Variants in SSUH2 observed in about 807,000 individuals in gnomAD.
SSUH2 encodes ssu-2 homolog.
Under a neutral mutation model 55.3 loss-of-function variants are expected in SSUH2, and 47 were observed. The ratio of observed to expected loss-of-function variants is 0.85; its 90% CI spans 0.67 to 1.08. The LOEUF (loss-of-function observed/expected upper bound fraction) is 1.08. Ranked by LOEUF, SSUH2 falls within the 50% of genes least tolerant of loss-of-function variation. SSUH2 has a pLI of 0.00. For missense variants in SSUH2, 535 were observed against 490.7 expected, an observed-to-expected ratio of 1.09 and a Z score of -0.85; for synonymous variants, 212 against 191.5, an observed-to-expected ratio of 1.11 and a Z score of -0.89.
intron 3 of SSUH2, chr3:8,634,059 C>T: frequency 1.9e-6 from 2 of 1,072,814 alleles, no homozygotes; most frequent in Non-Finnish European, 2.7e-6. Flanking sequence ...TGATAGAATC[C>T]TGCAACTGAA....
chr3:8,631,759 T>A lies in SSUH2; in HGVS notation c.400+290A>T, dbSNP rs140717783. Among the ~76,000 whole-genome samples, 22 of 152,172 alleles carry A rather than the reference T, an allele frequency of 1.4e-4. 1 individual carries two copies. The highest frequency in any genetic ancestry group is 4.3e-4 in the African/African-American group (18 of 41,520). On this transcript the variant is annotated intron_variant, in intron 5 of 11. Transcript: ENST00000544814. ...GTGTAGGTGAATGCTTAGACACGCA[T>A]GCTGCTTTACAGCCCGGCCCCGTGT...
chr3:8,657,416 A>C (rs928276039), intron 7 of SSUH2, among the ~76,000 whole-genome samples: 2 of 152,148 alleles, frequency 1.3e-5, no homozygotes, highest in African/African-American at 2.4e-5. Flanking sequence ...CCCTACCCTC[A>C]AGCAGCTTTC....
At chr3:8,623,051 T>C (rs1403749825) in intron 11 of SSUH2, among the ~76,000 whole-genome samples, 1 of 152,158 alleles carries the variant, frequency 6.6e-6, no homozygotes, top group Non-Finnish European at 1.5e-5. Context: ...CAGAAGGGGC[T>C]ACTCAGGGCT....
chr3:8,655,510 C>T (rs990188595), intron 7 of SSUH2, among the ~76,000 whole-genome samples: 4 of 145,152 alleles, frequency 2.8e-5, no homozygotes, highest in South Asian at 2.3e-4. Context: ...CCTCTTCCCC[C>T]GGGTCTCAGT....
At chr3:8,672,403 T>C (rs1704694171) in intron 3 of SSUH2, among the ~76,000 whole-genome samples, 1 of 151,942 alleles carries the variant, frequency 6.6e-6, no homozygotes, top group Non-Finnish European at 1.5e-5. Context: ...TATCATCCTC[T>C]TTTCTTCTGG....
At chr3:8,627,651 C>T in intron 8 of SSUH2, 47 bp downstream of exon 8, 1 of 1,458,540 alleles carries the variant, frequency 6.9e-7, no homozygotes, top group East Asian at 2.5e-5. Context: ...CAATGAAAAG[C>T]CAGAAAGCAA....
At chr3:8,652,952 A>C (rs1454208674) in intron 7 of SSUH2, among the ~76,000 whole-genome samples, 1 of 152,052 alleles carries the variant, frequency 6.6e-6, no homozygotes, top group Non-Finnish European at 1.5e-5. Context: ...TGGGGAGGAG[A>C]CTGGGCTCCT....
intron 5 of SSUH2, among the ~76,000 whole-genome samples, chr3:8,670,010 G>T (rs11923971): frequency 0.61 from 92,891 of 151,974 alleles, 29,678 homozygotes; most frequent in Admixed American, 0.69. Flanking sequence ...TTTTTGATCC[G>T]CTCCCCTTAC....
chr3:8,640,792 G>GT (rs1262183724), intron 1 of SSUH2, among the ~76,000 whole-genome samples: 6 of 152,220 alleles, frequency 3.9e-5, no homozygotes, highest in African/African-American at 1.4e-4. Flanking sequence ...TGGGTGAAGG[G>GT]TTGGGAGAAG....
At chr3:8,680,383 C>A (rs531589306) in intron 1 of SSUH2, among the ~76,000 whole-genome samples, 95 of 152,176 alleles carry the variant, frequency 6.2e-4, no homozygotes, top group African/African-American at 2.2e-3. Context: ...TGAGTCATAT[C>A]CTCTCGCTCT....
intron 5 of SSUH2, among the ~76,000 whole-genome samples, chr3:8,664,662 G>T (rs1464425227): frequency 6.6e-6 from 1 of 152,214 alleles, no homozygotes; most frequent in East Asian, 1.9e-4. Context: ...GGACAGCAGA[G>T]CTGGGTCTAA....
chr3:8,636,823 C>A (rs113273409), intron 1 of SSUH2, among the ~76,000 whole-genome samples: 12 of 152,172 alleles, frequency 7.9e-5, no homozygotes, highest in African/African-American at 2.7e-4. Flanking sequence ...GTGACCCAAA[C>A]TGGTACACTA....
intron 5 of SSUH2, among the ~76,000 whole-genome samples, chr3:8,666,211 G>C (rs1703977705): frequency 6.6e-6 from 1 of 152,278 alleles, no homozygotes; most frequent in African/African-American, 2.4e-5. Flanking sequence ...CTCCTTAAGA[G>C]CAAGACCACC....
intron 5 of SSUH2, among the ~76,000 whole-genome samples, chr3:8,664,358 T>G (rs1703782113): frequency 6.6e-6 from 1 of 152,160 alleles, no homozygotes; most frequent in South Asian, 2.1e-4. Flanking sequence ...ATGAAGCATG[T>G]CCCCCTTTCC....
chr3:8,622,801 C>T (rs900336703), intron 11 of SSUH2, among the ~76,000 whole-genome samples: 3 of 152,240 alleles, frequency 2.0e-5, no homozygotes, highest in Non-Finnish European at 4.4e-5. Context: ...AAACACATTT[C>T]GAGGGTTTTG....
intron 1 of SSUH2, among the ~76,000 whole-genome samples, chr3:8,637,470 C>G (rs1168857168): frequency 6.6e-6 from 1 of 152,196 alleles, no homozygotes; most frequent in Admixed American, 6.5e-5. Flanking sequence ...ACACTCCCAC[C>G]TGGGGGTGTG....
intron 5 of SSUH2, among the ~76,000 whole-genome samples, chr3:8,668,773 GAGTC>G (rs1704232269): frequency 6.6e-6 from 1 of 152,170 alleles, no homozygotes; most frequent in Admixed American, 6.5e-5. Flanking sequence ...GGGATTTCAT[GAGTC>G]TCTTTCACAA....
Position 8,678,996 on chromosome 3 carries a change from G to A in SSUH2, c.-901+709C>T, listed in dbSNP as rs1166741911. 1.6e-4 allele frequency among the ~76,000 whole-genome samples: 17 copies of A among 104,562 alleles called. 5 individuals are homozygous for A. Among genetic ancestry groups the A allele is most frequent in the Admixed American group, 3.7e-4 (4 of 10,880 alleles). 68.6% of individuals were successfully genotyped at this position (104,562 alleles called of 152,430 possible). A position where few individuals can be genotyped will look rare whatever the true frequency, so the allele number is the denominator to read the frequency against. ...GGCGGAGAGTCACCCCCCGCGAGGTGGGGACTGAGAGCCAGCCCCTCTTCC... is the reference window on the plus strand; with the variant it reads ...GGCGGAGAGTCACCCCCCGCGAGGTAGGGACTGAGAGCCAGCCCCTCTTCC... On this transcript the variant is annotated intron_variant, in intron 2 of 18. Transcript: ENST00000317371.
At chr3:8,625,181 T>C (rs1339164225) in intron 10 of SSUH2, among the ~76,000 whole-genome samples, 2 of 151,196 alleles carry the variant, frequency 1.3e-5, no homozygotes, top group African/African-American at 2.4e-5. Flanking sequence ...GTGCCTGATA[T>C]AGGAGGAGGG....
Sources: gnomAD v4.1 joint callset for allele counts (sites outside exome capture counted in the v4.1 genomes callset) on GRCh38, gnomAD v4.1.1 for gene constraint, MANE v1.5 for transcripts, NCBI Gene and HGNC (gene_info 2026-07-23, HGNC 2026-07-21) for gene names.